Variants in NKAIN2 observed in about 807,000 individuals in gnomAD.
NKAIN2 encodes sodium/potassium transporting ATPase interacting 2.
In NKAIN2, 14 loss-of-function variants were observed where a neutral mutation model predicts 32.6. The ratio of observed to expected loss-of-function variants is 0.43; its 90% CI spans 0.28 to 0.67. NKAIN2 has a LOEUF of 0.67. Ranked by LOEUF, NKAIN2 falls within the 30% of genes least tolerant of loss-of-function variation. NKAIN2 has a pLI of 0.17. For missense variants in NKAIN2, 198 were observed against 258.3 expected (o/e 0.77, Z 1.60); for synonymous variants, 80 against 87.2 (o/e 0.92, Z 0.46).
chr6:124,393,760 C>T (rs1229269881), intron 3 of NKAIN2, among the ~76,000 whole-genome samples: 2 of 152,118 alleles, frequency 1.3e-5, no homozygotes, highest in African/African-American at 2.4e-5. Context: ...TGCGTAATGG[C>T]TGTATAAATA....
At chr6:123,846,726 T>G (rs1301826813) in intron 1 of NKAIN2, among the ~76,000 whole-genome samples, 1 of 152,202 alleles carries the variant, frequency 6.6e-6, no homozygotes, top group Non-Finnish European at 1.5e-5. Flanking sequence ...TTCAATATTC[T>G]TCAAACCCAG....
intron 4 of NKAIN2, among the ~76,000 whole-genome samples, chr6:124,731,095 A>G (rs1012047975): frequency 7.0e-6 from 1 of 142,168 alleles, no homozygotes; most frequent in Non-Finnish European, 1.5e-5. Context: ...AAATAGGAAC[A>G]CTTCTACACT....
chr6:124,491,329 C>G (rs548640523), intron 3 of NKAIN2, among the ~76,000 whole-genome samples: 1 of 151,758 alleles, frequency 6.6e-6, no homozygotes, highest in Non-Finnish European at 1.5e-5. Flanking sequence ...TCTCTAAGTT[C>G]TTTGTTTTGT....
intron 1 of NKAIN2, among the ~76,000 whole-genome samples, chr6:124,019,157 A>C (rs776582868): frequency 6.6e-6 from 1 of 152,088 alleles, no homozygotes; most frequent in Non-Finnish European, 1.5e-5. Flanking sequence ...ACATGATTCA[A>C]TTACCTCCCA....
chr6:123,949,820 A>T (rs554397037), intron 1 of NKAIN2, among the ~76,000 whole-genome samples: 66 of 152,084 alleles, frequency 4.3e-4, no homozygotes, highest in Admixed American at 9.8e-4. Flanking sequence ...CTCCAGCCAG[A>T]ACTTTCAGTA....
chr6:124,244,551 A>G (rs960792037), intron 1 of NKAIN2, among the ~76,000 whole-genome samples: 2 of 151,976 alleles, frequency 1.3e-5, no homozygotes, highest in African/African-American at 2.4e-5. Context: ...TGCTCTTTGT[A>G]TTTAAAAGTT....
intron 1 of NKAIN2, among the ~76,000 whole-genome samples, chr6:124,043,343 T>A (rs1781965642): frequency 6.6e-6 from 1 of 151,982 alleles, no homozygotes; most frequent in African/African-American, 2.4e-5. Flanking sequence ...CAAGAAAACA[T>A]AATAATAAAA....
chr6:124,486,090 T>C (rs1308635566), intron 3 of NKAIN2, among the ~76,000 whole-genome samples: 1 of 152,212 alleles, frequency 6.6e-6, no homozygotes, highest in Non-Finnish European at 1.5e-5. Flanking sequence ...TTCTTCCCTG[T>C]CATCCTCATT....
At chr6:124,562,110 C>T (rs1780717383) in intron 3 of NKAIN2, among the ~76,000 whole-genome samples, 1 of 152,148 alleles carries the variant, frequency 6.6e-6, no homozygotes, top group African/African-American at 2.4e-5. Context: ...TTTCAAGTTA[C>T]TTTTGAGAAT....
intron 3 of NKAIN2, among the ~76,000 whole-genome samples, chr6:124,404,503 G>T (rs1426277221): frequency 6.6e-6 from 1 of 151,644 alleles, no homozygotes; most frequent in Admixed American, 6.6e-5. Flanking sequence ...TCCCTATGTT[G>T]TCAGATCTCC....
chr6:124,085,682 A>G (rs771111974), intron 1 of NKAIN2, among the ~76,000 whole-genome samples: 1 of 151,946 alleles, frequency 6.6e-6, no homozygotes, highest in Admixed American at 6.6e-5. Flanking sequence ...GCCTGACACT[A>G]TTTTAGATGC....
At chr6:124,687,967 T>A (rs1347467429) in intron 4 of NKAIN2, among the ~76,000 whole-genome samples, 1 of 151,830 alleles carries the variant, frequency 6.6e-6, no homozygotes, top group Non-Finnish European at 1.5e-5. Flanking sequence ...TTCTTCTTCA[T>A]TTTTTGCTTC....
chr6:124,705,282 G>C (rs1775002374), intron 4 of NKAIN2, among the ~76,000 whole-genome samples: 1 of 152,098 alleles, frequency 6.6e-6, no homozygotes, highest in East Asian at 1.9e-4. Context: ...GCTGAGGCCT[G>C]TGAAAAATAA....
chr6:124,760,378 T>C (rs1425025206), intron 4 of NKAIN2, among the ~76,000 whole-genome samples: 1 of 108,402 alleles, frequency 9.2e-6, no homozygotes, highest in Non-Finnish European at 1.7e-5. Context: ...CAAGCTTACC[T>C]GTATAGCAAA....
intron 1 of NKAIN2, among the ~76,000 whole-genome samples, chr6:124,192,813 G>A (rs1232687498): frequency 2.3e-5 from 3 of 131,732 alleles, no homozygotes; most frequent in East Asian, 2.5e-4. Context: ...GCAGTGGCAC[G>A]ATCTCGGCTC....
chr6:124,479,480 A>T (rs1040355914), intron 3 of NKAIN2, among the ~76,000 whole-genome samples: 5 of 152,146 alleles, frequency 3.3e-5, no homozygotes, highest in African/African-American at 1.2e-4. Flanking sequence ...GTTTGCCCTG[A>T]TCTGTTGCCC....
At chr6:124,339,209 C>T (rs756475202) in intron 2 of NKAIN2, among the ~76,000 whole-genome samples, 5 of 152,124 alleles carry the variant, frequency 3.3e-5, no homozygotes, top group East Asian at 3.9e-4. Flanking sequence ...GGCGTGGTGG[C>T]GCGCACCTGT....
chr6:124,082,014 A>G (rs1176949732), intron 1 of NKAIN2, among the ~76,000 whole-genome samples: 1 of 152,102 alleles, frequency 6.6e-6, no homozygotes, highest in African/African-American at 2.4e-5. Flanking sequence ...AGAGAGAGAA[A>G]TAAAGCCAAT....
intron 1 of NKAIN2, among the ~76,000 whole-genome samples, chr6:124,047,390 A>C (rs1166503189): frequency 6.6e-6 from 1 of 152,140 alleles, no homozygotes; most frequent in East Asian, 1.9e-4. Flanking sequence ...ATAAAATGCA[A>C]GGACAGTAAA....
Sources: allele counts gnomAD v4.1 joint callset (sites outside exome capture counted in the v4.1 genomes callset), GRCh38; gene constraint gnomAD v4.1.1; transcripts MANE v1.5; gene names NCBI Gene and HGNC (gene_info 2026-07-23, HGNC 2026-07-21).